Variants in DERA observed in about 807,000 individuals in gnomAD.
The protein encoded by DERA is 2-deoxy-D-ribose 5-phosphate aldolase.
Under a neutral mutation model 41.1 loss-of-function variants are expected in DERA, and 15 were observed. The observed-to-expected ratio is 0.37, with a 90% CI of 0.24 to 0.56. The LOEUF (loss-of-function observed/expected upper bound fraction) is 0.56, where lower values mean the gene tolerates loss of function less well. Among genes scored for constraint, DERA ranks in the 20% least tolerant of loss-of-function variants. The pLI is 0.81. For missense variants in DERA, 396 were observed against 403.4 expected, an observed-to-expected ratio of 0.98 and a Z score of 0.16; for synonymous variants, 139 against 137.4, an observed-to-expected ratio of 1.01 and a Z score of -0.08.
intron 1 of DERA, among the ~76,000 whole-genome samples, chr12:15,916,814 G>A (rs1160991538): frequency 2.0e-5 from 3 of 152,090 alleles, no homozygotes; most frequent in Non-Finnish European, 4.4e-5. Context: ...GTCTTGCTGT[G>A]TTGCCTAGGC....
Position 15,957,898 on chromosome 12 carries a change from GT to G in DERA, c.130-289del, listed in dbSNP as rs1359891405. 6.6e-6 allele frequency among the ~76,000 whole-genome samples: 1 copy of G among 152,132 alleles called. No individual in the cohort carries two copies. The highest frequency in any genetic ancestry group is 1.9e-4 in the East Asian group (1 of 5,184). ...CTCTCCCTTTGGCTGAGATGGAGTA[GT>G]CAGAAGTGGGGAGACATGGGCTAAT... is the stretch of plus-strand genomic sequence containing the variant. On this transcript the variant is annotated intron_variant, in intron 2 of 8. Coordinates refer to ENST00000428559, the MANE Select transcript of DERA (RefSeq NM_015954.4). This position sits in a 1 kb window ranked among gnomAD's most constrained non-coding sequence, Gnocchi z 4.8.
At chr12:15,917,372 AT>A (rs1948208249) in intron 1 of DERA, among the ~76,000 whole-genome samples, 1 of 152,222 alleles carries the variant, frequency 6.6e-6, no homozygotes, top group Non-Finnish European at 1.5e-5. Flanking sequence ...AAACAATAAA[AT>A]TGATTTGTGT....
chr12:15,994,497 A>G lies in DERA; in HGVS notation c.637+12061A>G, dbSNP rs767373686. 6.6e-6 allele frequency among the ~76,000 whole-genome samples: 1 copy of G among 152,234 alleles called. No individual in the cohort carries two copies. On this transcript the variant is annotated intron_variant, in intron 6 of 8. Coordinates refer to ENST00000428559, the MANE Select transcript of DERA (RefSeq NM_015954.4). This position sits in a 1 kb window ranked among gnomAD's most constrained non-coding sequence, Gnocchi z 4.8. ...GAGACGGAGTCTCGTTCTGTCGCCC[A>G]GGCTGGAGTGCAGTGGCGCGATCTC...
At chr12:15,914,010 G>A (rs934884987) in intron 1 of DERA, among the ~76,000 whole-genome samples, 2 of 152,174 alleles carry the variant, frequency 1.3e-5, no homozygotes, top group Non-Finnish European at 2.9e-5. Context: ...CAGGTGTCAC[G>A]TGGGTAGTGA....
At chr12:15,974,774 G>A (rs1270955047) in intron 5 of DERA, among the ~76,000 whole-genome samples, 1 of 151,976 alleles carries the variant, frequency 6.6e-6, no homozygotes, top group Non-Finnish European at 1.5e-5. Context: ...CTATTACTCT[G>A]ATTTTCTAAT....
At position 15,998,537 on chromosome 12, in the gene DERA, G is replaced by A. The variant is rs555762506; in HGVS notation, c.637+16101G>A. On this transcript the variant is annotated intron_variant, in intron 6 of 8. Transcript: ENST00000428559. This position sits in a 1 kb window ranked among gnomAD's most constrained non-coding sequence, Gnocchi z 4.8. Reference sequence around the variant, plus strand: ...TCTTCATATTGGCCAGGCTGGTCTCGAACTCCTGACCTCAGGTGATCCGCC... The same window carrying A: ...TCTTCATATTGGCCAGGCTGGTCTCAAACTCCTGACCTCAGGTGATCCGCC... 2.0e-5 allele frequency among the ~76,000 whole-genome samples: 3 copies of A among 151,982 alleles called. No homozygotes were observed. The highest frequency in any genetic ancestry group is 4.8e-5 in the African/African-American group (2 of 41,434).
At chr12:15,932,185 A>G (rs1180248376) in intron 1 of DERA, among the ~76,000 whole-genome samples, 2 of 152,248 alleles carry the variant, frequency 1.3e-5, no homozygotes, top group Non-Finnish European at 2.9e-5. Context: ...TTTATCCAAG[A>G]TGTTAATTTG....
intron 6 of DERA, among the ~76,000 whole-genome samples, chr12:16,025,324 G>A (rs2136186996): frequency 1.3e-5 from 2 of 152,204 alleles, no homozygotes; most frequent in South Asian, 4.1e-4. Flanking sequence ...CTTTAAATGT[G>A]AAGACTCAGA....
intron 1 of DERA, among the ~76,000 whole-genome samples, chr12:15,925,516 T>G: frequency 6.6e-6 from 1 of 152,216 alleles, no homozygotes; most frequent in Non-Finnish European, 1.5e-5. Flanking sequence ...ACTTGAACCA[T>G]CTGGGAGTGA....
At chr12:15,987,234 T>C (rs1203741284) in intron 6 of DERA, among the ~76,000 whole-genome samples, 3 of 125,510 alleles carry the variant, frequency 2.4e-5, no homozygotes, top group South Asian at 2.4e-4. Flanking sequence ...TATGTACTTT[T>C]TTTTTTTTTT....
chr12:15,911,822 T>A lies in DERA; in HGVS notation c.31+408T>A. 1 of 473,086 alleles carries A rather than the reference T, an allele frequency of 2.1e-6. No individual in the cohort carries two copies. The highest frequency in any genetic ancestry group is 4.2e-6 in the Non-Finnish European group (1 of 239,426). The allele number at this position is 473,086 out of a possible 1,614,324, so 29.3% of individuals were successfully genotyped here. ...TACTTGTGTAATTTAATGCAGTATTTCCGTAGATAATTTTAACCGTAACCT... is the reference window on the plus strand; with the variant it reads ...TACTTGTGTAATTTAATGCAGTATTACCGTAGATAATTTTAACCGTAACCT... On this transcript the variant is annotated intron_variant, in intron 1 of 8. Coordinates refer to ENST00000428559, the MANE Select transcript of DERA (RefSeq NM_015954.4). The surrounding 1 kb of genome is among the most constrained non-coding windows in gnomAD (Gnocchi z 4.5).
At position 15,998,308 on chromosome 12, in the gene DERA, T is replaced by C. The variant is rs1272886169; in HGVS notation, c.637+15872T>C. Among the ~76,000 whole-genome samples the C allele has an allele frequency of 1.3e-5, 2 of 149,598 alleles. No individual in the cohort carries two copies. The highest frequency in any genetic ancestry group is 5.1e-5 in the African/African-American group (2 of 39,018). On this transcript the variant is annotated intron_variant, in intron 6 of 8. Transcript: ENST00000428559. The surrounding 1 kb of genome is among the most constrained non-coding windows in gnomAD (Gnocchi z 4.8). ...TTCCTAATGTTAACACAGGAAGTCT[T>C]TCCTTTATTTATTTATTTATTTATT...
At chr12:16,005,952 A>C (rs781385364) in intron 6 of DERA, among the ~76,000 whole-genome samples, 5 of 152,206 alleles carry the variant, frequency 3.3e-5, no homozygotes, top group Admixed American at 6.5e-5. Context: ...CCTTCCTTAC[A>C]ATCTCTTTAA....
chr12:15,917,389 T>G (rs1403274076), intron 1 of DERA, among the ~76,000 whole-genome samples: 1 of 152,242 alleles, frequency 6.6e-6, no homozygotes, highest in African/African-American at 2.4e-5. Context: ...TGTGTAATTT[T>G]AAGTTAATGT....
intron 1 of DERA, among the ~76,000 whole-genome samples, chr12:15,949,720 C>T (rs565245173): frequency 3.9e-4 from 60 of 152,228 alleles, no homozygotes; most frequent in African/African-American, 1.3e-3. Flanking sequence ...ACCCACTGTC[C>T]GACAAGCCCC....
At chr12:15,980,489 T>A (rs1030729066) in intron 5 of DERA, among the ~76,000 whole-genome samples, 1 of 152,178 alleles carries the variant, frequency 6.6e-6, no homozygotes, top group Non-Finnish European at 1.5e-5. Flanking sequence ...TTCAATAACT[T>A]AAGAAATGTC....
chr12:15,958,414 A>G (rs1948557573), intron 3 of DERA, 79 bp downstream of exon 3: 2 of 1,164,256 alleles, frequency 1.7e-6, no homozygotes, highest in Admixed American at 3.2e-5. Flanking sequence ...CTTAAGATAC[A>G]GCTGCTAATG....
chr12:15,955,316 T>A (rs1159534754), intron 1 of DERA, among the ~76,000 whole-genome samples: 1 of 148,736 alleles, frequency 6.7e-6, no homozygotes, highest in Non-Finnish European at 1.5e-5. Flanking sequence ...AAAAAGAGGC[T>A]CCCCTGCGTT....
chr12:15,992,814 T>C lies in DERA; in HGVS notation c.637+10378T>C, dbSNP rs769868631. On this transcript the variant is annotated intron_variant, in intron 6 of 8. Transcript: ENST00000428559. The surrounding 1 kb of genome is among the most constrained non-coding windows in gnomAD (Gnocchi z 4.3). ...GCTTTATCTTTCAGTAGCGGTGGACTGTTCGCACACACTCAACAGTTAACA... is the reference window on the plus strand; with the variant it reads ...GCTTTATCTTTCAGTAGCGGTGGACCGTTCGCACACACTCAACAGTTAACA... 1.3e-5 allele frequency among the ~76,000 whole-genome samples: 2 copies of C among 152,198 alleles called. No individual in the cohort carries two copies. The highest frequency in any genetic ancestry group is 2.4e-5 in the African/African-American group (1 of 41,446).
Sources: allele counts gnomAD v4.1 joint callset (sites outside exome capture counted in the v4.1 genomes callset), GRCh38; gene constraint gnomAD v4.1.1; non-coding constraint Gnocchi (gnomAD v3.1); transcripts MANE v1.5; gene names NCBI Gene and HGNC (gene_info 2026-07-23, HGNC 2026-07-21).